CACNA2D1: variants seen among roughly 807,000 people sequenced by gnomAD.
CACNA2D1 encodes the protein calcium voltage-gated channel auxiliary subunit alpha2delta 1, also known as voltage-dependent calcium channel subunit alpha-2/delta-1.
A neutral mutation model predicts 171.5 loss-of-function variants in CACNA2D1; 53 were observed. The ratio of observed to expected loss-of-function variants is 0.31; its 90% CI spans 0.25 to 0.39. CACNA2D1 has a LOEUF of 0.39. Ranked by LOEUF, CACNA2D1 falls within the 10% of genes least tolerant of loss-of-function variation. CACNA2D1 has a pLI of 1.00. For synonymous variants in CACNA2D1, 442 were observed against 443.1 expected (o/e 1.00, Z 0.03); for missense variants, 903 against 1,299.8 (o/e 0.69, Z 4.69).
intron 3 of CACNA2D1, among the ~76,000 whole-genome samples, chr7:82,220,672 G>A (rs1161458021): frequency 1.3e-5 from 2 of 152,010 alleles, no homozygotes; most frequent in Non-Finnish European, 2.9e-5. Flanking sequence ...GAGAGCTATA[G>A]TTTGAAAACA....
intron 3 of CACNA2D1, among the ~76,000 whole-genome samples, chr7:82,285,396 GAA>G (rs1332393455): frequency 6.6e-6 from 1 of 152,088 alleles, no homozygotes; most frequent in Admixed American, 6.6e-5. Context: ...TTCCCAGACT[GAA>G]AAGTGTCATG....
intron 6 of CACNA2D1, among the ~76,000 whole-genome samples, chr7:82,104,203 T>C (rs900125524): frequency 6.6e-6 from 1 of 152,066 alleles, no homozygotes; most frequent in Non-Finnish European, 1.5e-5. Flanking sequence ...CTGACTTTTT[T>C]AATTTAATGA....
chr7:82,344,175 C>T (rs545685025), intron 2 of CACNA2D1, among the ~76,000 whole-genome samples: 72 of 152,250 alleles, frequency 4.7e-4, no homozygotes, highest in African/African-American at 1.5e-3. Context: ...ACAGTATGCA[C>T]GTAGCAACCA....
At chr7:82,375,832 G>C (rs181794460) in intron 1 of CACNA2D1, among the ~76,000 whole-genome samples, 14 of 152,252 alleles carry the variant, frequency 9.2e-5, no homozygotes, top group Admixed American at 4.6e-4. Flanking sequence ...GCATGTCTTT[G>C]AGGTCTCTAG....
Position 82,209,039 on chromosome 7 carries a change from T to C in CACNA2D1, c.295-38430A>G, listed in dbSNP as rs571786416. The stretch of plus-strand genomic sequence containing the variant: ...ATTTCCAGTGATTGCCTTACAAATA[T>C]AATTTCCCATATTTTACATCAATGA... On this transcript the variant is annotated intron_variant, in intron 3 of 38. Transcript: ENST00000356860. 6.6e-5 allele frequency among the ~76,000 whole-genome samples: 10 copies of C among 152,306 alleles called. No individual in the cohort carries two copies. The East Asian group carries it at 1.7e-3, about 26-fold the overall frequency.
intron 36 of CACNA2D1, among the ~76,000 whole-genome samples, chr7:81,960,415 AT>A (rs942320391): frequency 2.0e-5 from 3 of 152,054 alleles, no homozygotes; most frequent in African/African-American, 7.2e-5. Context: ...TGTAATTGAA[AT>A]TTCAATAGCC....
chr7:82,263,010 C>A (rs374042942), intron 3 of CACNA2D1, among the ~76,000 whole-genome samples: 1 of 152,052 alleles, frequency 6.6e-6, no homozygotes. Context: ...TCATGGCTGT[C>A]CCATTCTTCA....
chr7:82,046,279 C>T (rs933466828), intron 10 of CACNA2D1, among the ~76,000 whole-genome samples: 2 of 151,734 alleles, frequency 1.3e-5, no homozygotes, highest in Non-Finnish European at 1.5e-5. Context: ...GTCGTTAATC[C>T]CTGTCCAGGG....
At chr7:82,379,586 T>C (rs1309438328) in intron 1 of CACNA2D1, among the ~76,000 whole-genome samples, 3 of 152,202 alleles carry the variant, frequency 2.0e-5, no homozygotes, top group African/African-American at 4.8e-5. Flanking sequence ...CTTGTTGTCC[T>C]GGGATGCATT....
intron 1 of CACNA2D1, among the ~76,000 whole-genome samples, chr7:82,355,834 C>T (rs1820359974): frequency 6.6e-6 from 1 of 151,980 alleles, no homozygotes; most frequent in Non-Finnish European, 1.5e-5. Context: ...CATATATAAT[C>T]TCCATATATA....
chr7:82,015,788 T>C (rs1454480566), intron 12 of CACNA2D1, among the ~76,000 whole-genome samples: 1 of 152,186 alleles, frequency 6.6e-6, no homozygotes. Context: ...GATTTCAGAG[T>C]ACAAATCTCA....
At chr7:81,961,711 T>A (rs11979649) in intron 36 of CACNA2D1, among the ~76,000 whole-genome samples, 183 bp downstream of exon 36, 2 of 151,716 alleles carry the variant, frequency 1.3e-5, no homozygotes, top group East Asian at 3.9e-4. Context: ...ATTTTAAAAG[T>A]CTACAGAGAA....
intron 2 of CACNA2D1, among the ~76,000 whole-genome samples, chr7:82,340,282 G>A (rs1818464599): frequency 6.6e-6 from 1 of 151,742 alleles, no homozygotes; most frequent in South Asian, 2.1e-4. Context: ...AATAACTTGA[G>A]TTCTTGCTGA....
intron 3 of CACNA2D1, among the ~76,000 whole-genome samples, chr7:82,226,927 C>T (rs1395271056): frequency 2.0e-5 from 3 of 152,046 alleles, no homozygotes; most frequent in Non-Finnish European, 4.4e-5. Context: ...TTCCCTTTGC[C>T]TTATATAAAA....
chr7:82,442,800 C>A (rs1399805217), intron 1 of CACNA2D1, among the ~76,000 whole-genome samples: 1 of 152,158 alleles, frequency 6.6e-6, no homozygotes, highest in African/African-American at 2.4e-5. Context: ...GTGGACAGCA[C>A]GCTCGGCCGC....
intron 10 of CACNA2D1, among the ~76,000 whole-genome samples, chr7:82,042,975 C>A (rs140863581): frequency 0.01 from 1,554 of 152,246 alleles, 26 homozygotes; most frequent in African/African-American, 0.036. Context: ...TATGTCCACA[C>A]CACCACTGCA....
At chr7:82,388,062 C>CAAAAAAAA (rs772179078) in intron 1 of CACNA2D1, among the ~76,000 whole-genome samples, 1 of 79,250 alleles carries the variant, frequency 1.3e-5, no homozygotes, top group Non-Finnish European at 2.8e-5. Flanking sequence ...ACCCTGTCTC[C>CAAAAAAAA]AAAAAAAAAA....
At chr7:82,352,878 G>T (rs901793960) in intron 1 of CACNA2D1, among the ~76,000 whole-genome samples, 1 of 152,132 alleles carries the variant, frequency 6.6e-6, no homozygotes, top group Non-Finnish European at 1.5e-5. Flanking sequence ...GTCCAAGCTT[G>T]GTTCAGCAAA....
At chr7:82,387,706 A>G (rs1246730037) in intron 1 of CACNA2D1, among the ~76,000 whole-genome samples, 1 of 152,224 alleles carries the variant, frequency 6.6e-6, no homozygotes, top group Non-Finnish European at 1.5e-5. Flanking sequence ...AGCTAAATGC[A>G]AGTAAAAGTG....
Sources: allele counts gnomAD v4.1 joint callset (sites outside exome capture counted in the v4.1 genomes callset), GRCh38; gene constraint gnomAD v4.1.1; transcripts MANE v1.5; gene names NCBI Gene and HGNC (gene_info 2026-07-23, HGNC 2026-07-21).